The following MISP3 variants were observed in gnomAD, a reference collection of about 807,000 sequenced individuals.
MISP3 encodes MISP family member 3.
Under a neutral mutation model 5.5 loss-of-function variants are expected in MISP3, and 9 were observed. The observed-to-expected ratio is 1.65, with a 90% CI of 0.99 to 2.87. The LOEUF is 2.87. MISP3 is among the 30% of genes most tolerant of loss of function. The probability of loss-of-function intolerance (pLI) is 0.00; values close to 1 mark genes in which losing one functional copy is unlikely to be tolerated. For missense variants in MISP3, 152 were observed against 84.1 expected (o/e 1.81, Z -3.16); for synonymous variants, 87 against 38.1 (o/e 2.28, Z -4.73).
rs1976649198 is a variant in MISP3, at chr19:14,074,235, A to T, written c.569-155A>T. On this transcript the variant is annotated intron_variant, in intron 1 of 2. Coordinates refer to ENST00000587086, the MANE Select transcript of MISP3 (RefSeq NM_001291291.2). This position sits in a 1 kb window ranked among gnomAD's most constrained non-coding sequence, Gnocchi z 4.4. ...GCTCCTGCTTCTCCATTCTGGGTTC[A>T]CCTCCCTCCTCCCTCGGGTTCCTGG... 3 of 603,040 alleles carry T rather than the reference A, an allele frequency of 5.0e-6. No individual in the cohort carries two copies. The African/African-American group carries it at 5.6e-5, about 11-fold the overall frequency. The allele number at this position is 603,040 out of a possible 1,614,324, so 37.4% of individuals were successfully genotyped here.
rs1373591542 is a variant in MISP3, at chr19:14,073,184, GA to G, written c.-125del. 1.5e-6 allele frequency: 1 copy of G among 674,388 alleles called. No homozygotes were observed. Among genetic ancestry groups the G allele is most frequent in the Non-Finnish European group, 2.7e-6 (1 of 366,778 alleles). 41.8% of individuals were successfully genotyped at this position (674,388 alleles called of 1,614,324 possible). A position where few individuals can be genotyped will look rare whatever the true frequency, so the allele number is the denominator to read the frequency against. On this transcript the variant is annotated 5_prime_UTR_variant, in exon 1 of 3. Transcript: ENST00000587086. The surrounding 1 kb of genome is among the most constrained non-coding windows in gnomAD (Gnocchi z 8.5). ...TGGGCCGTCCGAAGCGCAAAGGGCG[GA>G]GGTCCAGGGGCAGCATCCCCCTCCA...
At position 14,074,429 on chromosome 19, in the gene MISP3, C is replaced by A. The variant is rs1476884246; in HGVS notation, c.608C>A (p.Pro203His). Residue 203 changes from proline to histidine, a missense_variant, in exon 2 of 3, where the codon CCC (proline) becomes CAC (histidine). Pro to His is a moderately conservative substitution (Grantham distance 77). Coordinates refer to ENST00000587086, the MANE Select transcript of MISP3 (RefSeq NM_001291291.2). This position sits in a 1 kb window ranked among gnomAD's most constrained non-coding sequence, Gnocchi z 4.4. ...GDGKLVVIWP[P>H]RRKVSENGLE... Reference sequence around the variant, plus strand: ...GGAAAGTTGGTGGTGATCTGGCCCCCCCGCAGAAAGGTCTCGGAGAACGGC... The same window carrying A: ...GGAAAGTTGGTGGTGATCTGGCCCCACCGCAGAAAGGTCTCGGAGAACGGC... The A allele has an allele frequency of 1.4e-6, 1 of 702,818 alleles. No individual in the cohort carries two copies. The highest frequency in any genetic ancestry group is 2.7e-5 in the East Asian group (1 of 37,280). 43.5% of individuals were successfully genotyped at this position (702,818 alleles called of 1,614,324 possible). A position where few individuals can be genotyped will look rare whatever the true frequency, so the allele number is the denominator to read the frequency against.
At position 14,073,823 on chromosome 19, in the gene MISP3, C is replaced by A; in HGVS notation, c.514C>A (p.Arg172=). ...REREQELQRQ[R]RSVYGTAEFK... is the part of the protein sequence containing the mutation. ...GCGCGAGCAGGAACTGCAGCGCCAG[C>A]GGCGCAGCGTCTATGGCACCGCGGA... Residue 172 remains arginine, a synonymous_variant, in exon 1 of 3, where the codon CGG becomes AGG. Coordinates refer to ENST00000587086, the MANE Select transcript of MISP3 (RefSeq NM_001291291.2). The surrounding 1 kb of genome is among the most constrained non-coding windows in gnomAD (Gnocchi z 8.5). 4.3e-6 allele frequency: 3 copies of A among 701,776 alleles called. No homozygotes were observed. Among genetic ancestry groups the A allele is most frequent in the Non-Finnish European group, 7.8e-6 (3 of 384,478 alleles). The allele number at this position is 701,776 out of a possible 1,614,324, so 43.5% of individuals were successfully genotyped here.
At position 14,073,727 on chromosome 19, in the gene MISP3, C is replaced by T. The variant is rs1456403725; in HGVS notation, c.418C>T (p.Arg140Trp). 1.3e-5 allele frequency: 9 copies of T among 671,902 alleles called. 1 individual carries two copies. The South Asian group carries it at 1.4e-4, about 10-fold the overall frequency. The allele number at this position is 671,902 out of a possible 1,614,324, so 41.6% of individuals were successfully genotyped here. Residue 140 changes from arginine to tryptophan, a missense_variant, in exon 1 of 3, where the codon CGG becomes TGG. Arg to Trp is a moderately radical substitution (Grantham distance 101, BLOSUM62 -3). Coordinates refer to ENST00000587086, the MANE Select transcript of MISP3 (RefSeq NM_001291291.2). This position sits in a 1 kb window ranked among gnomAD's most constrained non-coding sequence, Gnocchi z 8.5. ...RPRSAVQGGC[R>W]VLGSAPPPFT... ...GCGCTCGGCCGTGCAGGGCGGGTGC[C>T]GGGTGCTGGGCAGCGCCCCGCCGCC... is the stretch of plus-strand genomic sequence containing the variant.
In MISP3 at chr19:14,074,648, C is replaced by T. The variant is rs1599317936; in HGVS notation, c.643-58C>T. 1 of 697,946 alleles carries T rather than the reference C, an allele frequency of 1.4e-6. No homozygotes were observed. The highest frequency in any genetic ancestry group is 2.6e-6 in the Non-Finnish European group (1 of 380,842). The allele number at this position is 697,946 out of a possible 1,614,324, so 43.2% of individuals were successfully genotyped here. A position where few individuals can be genotyped will look rare whatever the true frequency, so the allele number is the denominator to read the frequency against. On this transcript the variant is annotated intron_variant, in intron 2 of 2. Transcript: ENST00000587086. The surrounding 1 kb of genome is among the most constrained non-coding windows in gnomAD (Gnocchi z 4.4). ...TTGAGGCCCAAACCGCCACCCCGAGCCTGGATGCAGTGCGCAGGTCCCTGA... is the reference window on the plus strand; with the variant it reads ...TTGAGGCCCAAACCGCCACCCCGAGTCTGGATGCAGTGCGCAGGTCCCTGA...
chr19:14,073,482 G>T lies in MISP3; in HGVS notation c.173G>T (p.Arg58Leu), dbSNP rs995519894. 13 of 404,028 alleles carry T rather than the reference G, an allele frequency of 3.2e-5. No homozygotes were observed. The highest frequency in any genetic ancestry group is 2.3e-4 in the African/African-American group (11 of 47,024). The allele number at this position is 404,028 out of a possible 1,614,324, so 25.0% of individuals were successfully genotyped here. The part of the protein sequence containing the change: ...PGPALPRALE[R>L]ARAGAQMQRD... ...CCCGCGCTCCCGCGCGCCCTGGAGC[G>T]GGCGCGGGCGGGCGCGCAGATGCAG... The change falls in exon 1 of 3, where the codon CGG becomes CTG. Residue 58 changes from arginine to leucine, a missense_variant. Coordinates refer to ENST00000587086, the MANE Select transcript of MISP3 (RefSeq NM_001291291.2). The surrounding 1 kb of genome is among the most constrained non-coding windows in gnomAD (Gnocchi z 8.5).
Position 14,074,815 on chromosome 19 carries a change from C to G in MISP3, c.*92C>G, listed in dbSNP as rs1312333616. On this transcript the variant is annotated 3_prime_UTR_variant, in exon 3 of 3. Transcript: ENST00000587086. The surrounding 1 kb of genome is among the most constrained non-coding windows in gnomAD (Gnocchi z 4.4). ...TCTAGCATTAGGCCTGGAGAAGGGT[C>G]GGCTCTCTGCATTGGGGAAGATGAA... 1 of 677,810 alleles carries G rather than the reference C, an allele frequency of 1.5e-6. No individual in the cohort carries two copies. The highest frequency in any genetic ancestry group is 2.7e-6 in the Non-Finnish European group (1 of 364,348). The allele number at this position is 677,810 out of a possible 1,614,324, so 42.0% of individuals were successfully genotyped here.
rs769388704 is a variant in MISP3, at chr19:14,073,796, G to A, written c.487G>A (p.Glu163Lys). ...GGAGCAGGAGGTGCGCGCCGTGCGCGAGCGCGAGCAGGAACTGCAGCGCCA... is the reference window on the plus strand; with the variant it reads ...GGAGCAGGAGGTGCGCGCCGTGCGCAAGCGCGAGCAGGAACTGCAGCGCCA... ...LLEQEVRAVR[E>K]REQELQRQRR... Residue 163 changes from glutamate (E) to lysine (K), a missense_variant, in exon 1 of 3, where the codon GAG (glutamate) becomes AAG (lysine). Glu to Lys is a moderately conservative substitution (Grantham distance 56). Coordinates refer to ENST00000587086, the MANE Select transcript of MISP3 (RefSeq NM_001291291.2). This position sits in a 1 kb window ranked among gnomAD's most constrained non-coding sequence, Gnocchi z 8.5. 11 of 701,188 alleles carry A rather than the reference G, an allele frequency of 1.6e-5. No homozygotes were observed. Among genetic ancestry groups the A allele is most frequent in the East Asian group, 2.7e-5 (1 of 37,214 alleles). The allele number at this position is 701,188 out of a possible 1,614,324, so 43.4% of individuals were successfully genotyped here. A position where few individuals can be genotyped will look rare whatever the true frequency, so the allele number is the denominator to read the frequency against.
At position 14,073,668 on chromosome 19, in the gene MISP3, G is replaced by T; in HGVS notation, c.359G>T (p.Gly120Val). Residue 120 changes from glycine (G) to valine (V), a missense_variant, in exon 1 of 3, where the codon GGC (glycine) becomes GTC (valine). Gly to Val is a moderately radical substitution (Grantham distance 109). Transcript: ENST00000587086. This position sits in a 1 kb window ranked among gnomAD's most constrained non-coding sequence, Gnocchi z 8.5. Reference protein sequence around the residue: ...GSSAGAGDGAGPQRLPEPGGR... With the variant: ...GSSAGAGDGAVPQRLPEPGGR... The stretch of plus-strand genomic sequence containing the variant: ...TCGGCGGGGGCGGGGGACGGCGCGG[G>T]CCCGCAGAGGCTGCCAGAGCCTGGG... 1 of 447,824 alleles carries T rather than the reference G, an allele frequency of 2.2e-6. No homozygotes were observed. Among genetic ancestry groups the T allele is most frequent in the Non-Finnish European group, 4.0e-6 (1 of 252,178 alleles). The allele number at this position is 447,824 out of a possible 1,614,324, so 27.7% of individuals were successfully genotyped here.
chr19:14,073,865 C>A lies in MISP3; in HGVS notation c.556C>A (p.Pro186Thr). The stretch of plus-strand genomic sequence containing the variant: ...CACCGCGGAGTTCAAGGAGCCTACG[C>A]CGAGCCTCACCGGTAAGCCGCGGGC... ...YGTAEFKEPT[P>T]SLTASRGDGK... Residue 186 changes from proline (P) to threonine (T), a missense_variant, in exon 1 of 3, where the codon CCG (proline) becomes ACG (threonine). Physicochemically the swap from Pro to Thr is conservative, Grantham distance 38. Coordinates refer to ENST00000587086, the MANE Select transcript of MISP3 (RefSeq NM_001291291.2). The surrounding 1 kb of genome is among the most constrained non-coding windows in gnomAD (Gnocchi z 8.5). 1.4e-6 allele frequency: 1 copy of A among 701,270 alleles called. No individual in the cohort carries two copies. The highest frequency in any genetic ancestry group is 1.5e-5 in the South Asian group (1 of 67,560). The allele number at this position is 701,270 out of a possible 1,614,324, so 43.4% of individuals were successfully genotyped here.
At position 14,073,432 on chromosome 19, in the gene MISP3, G is replaced by T; in HGVS notation, c.123G>T (p.Pro41=). The change falls in exon 1 of 3, where the codon CCG becomes CCT. Residue 41 remains proline (P), a synonymous_variant. Transcript: ENST00000587086. The surrounding 1 kb of genome is among the most constrained non-coding windows in gnomAD (Gnocchi z 8.5). The part of the protein sequence containing the change: ...GRELVELRVR[P]VLNLPGPGPA... ...AACTCGTCGAGCTGCGCGTGCGGCC[G>T]GTGCTCAACCTGCCGGGTCCTGGCC... 3 of 660,080 alleles carry T rather than the reference G, an allele frequency of 4.5e-6. No homozygotes were observed. Among genetic ancestry groups the T allele is most frequent in the Non-Finnish European group, 5.4e-6 (2 of 367,544 alleles). The allele number at this position is 660,080 out of a possible 1,614,324, so 40.9% of individuals were successfully genotyped here.
rs7255516 is a variant in MISP3 at position 14,074,636 on chromosome 19, C to A, written c.643-70C>A. On this transcript the variant is annotated intron_variant, in intron 2 of 2. Transcript: ENST00000587086. The surrounding 1 kb of genome is among the most constrained non-coding windows in gnomAD (Gnocchi z 4.4). The stretch of plus-strand genomic sequence containing the variant: ...GAGACGGTGGTCTTGAGGCCCAAAC[C>A]GCCACCCCGAGCCTGGATGCAGTGC... The A allele has an allele frequency of 0.019, 13,098 of 695,102 alleles. 1,223 individuals are homozygous for A. The African/African-American group carries it at 0.2, about 11-fold the overall frequency. The allele number at this position is 695,102 out of a possible 1,614,324, so 43.1% of individuals were successfully genotyped here.
In MISP3 at chr19:14,074,224, A is replaced by G; in HGVS notation, c.569-166A>G. 1 of 601,666 alleles carries G rather than the reference A, an allele frequency of 1.7e-6. No individual in the cohort carries two copies. The highest frequency in any genetic ancestry group is 1.9e-5 in the African/African-American group (1 of 53,746). The allele number at this position is 601,666 out of a possible 1,614,324, so 37.3% of individuals were successfully genotyped here. On this transcript the variant is annotated intron_variant, in intron 1 of 2. Transcript: ENST00000587086. This position sits in a 1 kb window ranked among gnomAD's most constrained non-coding sequence, Gnocchi z 4.4. Reference sequence around the variant, plus strand: ...TGAATTTTCGGGCTCCTGCTTCTCCATTCTGGGTTCACCTCCCTCCTCCCT... The same window carrying G: ...TGAATTTTCGGGCTCCTGCTTCTCCGTTCTGGGTTCACCTCCCTCCTCCCT...
chr19:14,074,504 TC>T lies in MISP3; in HGVS notation c.642+47del. 1 of 690,776 alleles carries T rather than the reference TC, an allele frequency of 1.4e-6. No homozygotes were observed. Among genetic ancestry groups the T allele is most frequent in the Non-Finnish European group, 2.6e-6 (1 of 377,712 alleles). The allele number at this position is 690,776 out of a possible 1,614,324, so 42.8% of individuals were successfully genotyped here. A position where few individuals can be genotyped will look rare whatever the true frequency, so the allele number is the denominator to read the frequency against. ...CCCGTGTGCCTCTAGCGCTTGTCGG[TC>T]CCCCCACCCCTCCGGTGCCAGGACG... On this transcript the variant is annotated intron_variant, in intron 2 of 2. Coordinates refer to ENST00000587086, the MANE Select transcript of MISP3 (RefSeq NM_001291291.2). This position sits in a 1 kb window ranked among gnomAD's most constrained non-coding sequence, Gnocchi z 4.4.
In MISP3 at chr19:14,074,003, C is replaced by A. The variant is rs1976643374; in HGVS notation, c.568+126C>A. The A allele has an allele frequency of 1.6e-6, 1 of 617,062 alleles. No homozygotes were observed. Among genetic ancestry groups the A allele is most frequent in the African/African-American group, 1.9e-5 (1 of 53,458 alleles). The allele number at this position is 617,062 out of a possible 1,614,324, so 38.2% of individuals were successfully genotyped here. On this transcript the variant is annotated intron_variant, in intron 1 of 2. Coordinates refer to ENST00000587086, the MANE Select transcript of MISP3 (RefSeq NM_001291291.2). The surrounding 1 kb of genome is among the most constrained non-coding windows in gnomAD (Gnocchi z 4.4). ...GGTCTCTCCCTCCAAGCTCCCAGAC[C>A]CCCTCTCAATTTTGTCTCTTGCCTA...
chr19:14,073,199 C>T lies in MISP3; in HGVS notation c.-111C>T, dbSNP rs116653656. The T allele has an allele frequency of 5.1e-3, 3,429 of 673,512 alleles. 89 individuals are homozygous for T. In the African/African-American group the frequency reaches 0.054, roughly 11 times the overall value. The allele number at this position is 673,512 out of a possible 1,614,324, so 41.7% of individuals were successfully genotyped here. ...GCAAAGGGCGGAGGTCCAGGGGCAG[C>T]ATCCCCCTCCAGGCCCTAAGACCTC... On this transcript the variant is annotated 5_prime_UTR_variant, in exon 1 of 3. Coordinates refer to ENST00000587086, the MANE Select transcript of MISP3 (RefSeq NM_001291291.2). This position sits in a 1 kb window ranked among gnomAD's most constrained non-coding sequence, Gnocchi z 8.5.
In MISP3 at chr19:14,074,776, C is replaced by T; in HGVS notation, c.*53C>T. ...GGAAGTAACGTACGCGTCAGAGGAACAGGGCGGGGGGCGTCTAGCATTAGG... is the reference window on the plus strand; with the variant it reads ...GGAAGTAACGTACGCGTCAGAGGAATAGGGCGGGGGGCGTCTAGCATTAGG... On this transcript the variant is annotated 3_prime_UTR_variant, in exon 3 of 3. Transcript: ENST00000587086. The surrounding 1 kb of genome is among the most constrained non-coding windows in gnomAD (Gnocchi z 4.4). 1.4e-6 allele frequency: 1 copy of T among 698,478 alleles called. No individual in the cohort carries two copies. The highest frequency in any genetic ancestry group is 1.5e-5 in the South Asian group (1 of 67,516). 43.3% of individuals were successfully genotyped at this position (698,478 alleles called of 1,614,324 possible).
At position 14,074,240 on chromosome 19, in the gene MISP3, C is replaced by T; in HGVS notation, c.569-150C>T. The T allele has an allele frequency of 1.6e-6, 1 of 610,696 alleles. No individual in the cohort carries two copies. Among genetic ancestry groups the T allele is most frequent in the Middle Eastern group, 2.8e-4 (1 of 3,542 alleles). 37.8% of individuals were successfully genotyped at this position (610,696 alleles called of 1,614,324 possible). A position where few individuals can be genotyped will look rare whatever the true frequency, so the allele number is the denominator to read the frequency against. ...TGCTTCTCCATTCTGGGTTCACCTC[C>T]CTCCTCCCTCGGGTTCCTGGGTGCC... On this transcript the variant is annotated intron_variant, in intron 1 of 2. Transcript: ENST00000587086. This position sits in a 1 kb window ranked among gnomAD's most constrained non-coding sequence, Gnocchi z 4.4.
At position 14,074,801 on chromosome 19, in the gene MISP3, G is replaced by T; in HGVS notation, c.*78G>T. On this transcript the variant is annotated 3_prime_UTR_variant, in exon 3 of 3. Transcript: ENST00000587086. The surrounding 1 kb of genome is among the most constrained non-coding windows in gnomAD (Gnocchi z 4.4). ...CAGGGCGGGGGGCGTCTAGCATTAG[G>T]CCTGGAGAAGGGTCGGCTCTCTGCA... The T allele has an allele frequency of 1.5e-6, 1 of 684,598 alleles. No homozygotes were observed. The highest frequency in any genetic ancestry group is 2.7e-6 in the Non-Finnish European group (1 of 369,614). 42.4% of individuals were successfully genotyped at this position (684,598 alleles called of 1,614,324 possible).
Sources: gnomAD v4.1 joint callset for allele counts on GRCh38, gnomAD v4.1.1 for gene constraint, Gnocchi (gnomAD v3.1) non-coding constraint, MANE v1.5 for transcripts, NCBI Gene and HGNC (gene_info 2026-07-23, HGNC 2026-07-21) for gene names.